Variants in PREX1 observed in about 807,000 individuals in gnomAD.
PREX1 encodes the protein phosphatidylinositol 3,4,5-trisphosphate-dependent Rac exchanger 1 protein.
Under a neutral mutation model 198.3 loss-of-function variants are expected in PREX1, and 41 were observed. The ratio of observed to expected loss-of-function variants is 0.21; its 90% CI spans 0.16 to 0.27. The LOEUF (loss-of-function observed/expected upper bound fraction) is 0.27. Among genes scored for constraint, PREX1 ranks in the 10% least tolerant of loss-of-function variants. The pLI is 1.00. For missense variants in PREX1, 1,620 were observed against 2,200.7 expected (o/e 0.74, Z 5.28); for synonymous variants, 843 against 887.2 (o/e 0.95, Z 0.89).
chr20:48,720,562 T>A (rs1020614834), intron 5 of PREX1, among the ~76,000 whole-genome samples: 2 of 152,188 alleles, frequency 1.3e-5, no homozygotes, highest in African/African-American at 2.4e-5. Flanking sequence ...AGTATTCTAC[T>A]GTGTGAGTCA....
At chr20:48,748,597 C>T (rs1278862618) in intron 1 of PREX1, among the ~76,000 whole-genome samples, 2 of 152,140 alleles carry the variant, frequency 1.3e-5, no homozygotes, top group Non-Finnish European at 2.9e-5. Context: ...AAGAAGCTTC[C>T]TTGCAGATGC....
chr20:48,762,393 C>T (rs753346865), intron 1 of PREX1, among the ~76,000 whole-genome samples: 2 of 152,170 alleles, frequency 1.3e-5, no homozygotes, highest in African/African-American at 2.4e-5. Context: ...ATAAGACACT[C>T]AGCAGCTTCC....
At chr20:48,642,330 G>A in intron 28 of PREX1, 72 bp from the exon 29 acceptor site, 1 of 1,604,210 alleles carries the variant, frequency 6.2e-7, no homozygotes, top group Non-Finnish European at 8.5e-7. Flanking sequence ...GGGACCCACA[G>A]CCCCCGGGTC....
intron 37 of PREX1, 89 bp from the exon 38 acceptor site, chr20:48,628,052 G>A (rs2089287215): frequency 1.1e-6 from 1 of 904,764 alleles, no homozygotes; most frequent in Non-Finnish European, 1.7e-6. Flanking sequence ...GTGGGTGAGA[G>A]CTGGGGCAAC....
At chr20:48,861,317 A>G in the PREX1 span, among the ~76,000 whole-genome samples, 1 of 152,330 alleles carries the variant, frequency 6.6e-6, no homozygotes, top group African/African-American at 2.4e-5. Context: ...CCAAGTGAGG[A>G]GGCTGGACTT....
chr20:48,698,527 A>T (rs2123062785), intron 7 of PREX1, among the ~76,000 whole-genome samples: 1 of 152,252 alleles, frequency 6.6e-6, no homozygotes, highest in African/African-American at 2.4e-5. Context: ...GGAGGCAGGG[A>T]AAGAGAAGAA....
At chr20:48,687,495 A>G (rs2089792089) in intron 10 of PREX1, among the ~76,000 whole-genome samples, 1 of 152,258 alleles carries the variant, frequency 6.6e-6, no homozygotes, top group South Asian at 2.1e-4. Context: ...TCCTGGCTCA[A>G]GCCTGGCCCA....
intron 5 of PREX1, among the ~76,000 whole-genome samples, chr20:48,724,920 C>G (rs2090002907): frequency 6.6e-6 from 1 of 152,208 alleles, no homozygotes; most frequent in South Asian, 2.1e-4. Context: ...ATCTAGGGAT[C>G]GAAGCCATGG....
chr20:48,658,197 T>C lies in PREX1; in HGVS notation c.1913A>G (p.Asp638Gly). 6.2e-7 allele frequency: 1 copy of C among 1,614,156 alleles called. No homozygotes were observed. The change falls in exon 17 of 40, where the codon GAC (aspartate) becomes GGC (glycine). Residue 638 changes from aspartate (D) to glycine (G), a missense_variant. Asp to Gly is a moderately conservative substitution (Grantham distance 94). Coordinates refer to ENST00000371941, the MANE Select transcript of PREX1 (RefSeq NM_020820.4). ...CACAGCCTTGTTCTTCTCCTCGATG[T>C]CAAAGCCATAGTCCTCCTCCTGGGG... The part of the protein sequence containing the change: ...ILPQEEDYGF[D>G]IEEKNKAVVV...
At chr20:48,701,148 C>T (rs2089871778) in intron 6 of PREX1, among the ~76,000 whole-genome samples, 1 of 152,132 alleles carries the variant, frequency 6.6e-6, no homozygotes, top group African/African-American at 2.4e-5. Flanking sequence ...AGTGACTCAC[C>T]CAGCTCATAC....
At chr20:48,656,648 C>T (rs2089545999) in intron 18 of PREX1, among the ~76,000 whole-genome samples, 1 of 152,204 alleles carries the variant, frequency 6.6e-6, no homozygotes, top group Admixed American at 6.5e-5. Context: ...GTGACGTCTC[C>T]CTGACAGCCA....
At chr20:48,828,320 GC>G (rs552752530), upstream of PREX1, among the ~76,000 whole-genome samples, 5 of 151,702 alleles carry the variant, frequency 3.3e-5, no homozygotes, top group Non-Finnish European at 5.9e-5. Flanking sequence ...GACGCGTGGC[GC>G]CCCCCCAACC....
At chr20:48,753,897 C>A (rs1343046409) in intron 1 of PREX1, among the ~76,000 whole-genome samples, 3 of 152,188 alleles carry the variant, frequency 2.0e-5, no homozygotes, top group Non-Finnish European at 4.4e-5. Context: ...CAGACGTCTC[C>A]GCTATTGGCT....
chr20:48,776,670 G>A (rs1358563617), intron 1 of PREX1, among the ~76,000 whole-genome samples: 1 of 152,226 alleles, frequency 6.6e-6, no homozygotes, highest in Non-Finnish European at 1.5e-5. Context: ...TTAGTGTCCA[G>A]TCACTGAGGT....
chr20:48,677,867 T>C (rs1031332255), intron 13 of PREX1, among the ~76,000 whole-genome samples: 1 of 151,372 alleles, frequency 6.6e-6, no homozygotes, highest in Non-Finnish European at 1.5e-5. Context: ...ATGCCTGTAA[T>C]CCCAGCTACT....
the PREX1 span, among the ~76,000 whole-genome samples, chr20:48,836,732 T>C: frequency 2.7e-3 from 412 of 152,112 alleles, 2 homozygotes; most frequent in African/African-American, 8.9e-3. Flanking sequence ...CTGGTCAACC[T>C]GGCAAAACTC....
rs181653765 is a variant in PREX1 at position 48,625,719 on chromosome 20, G to C, written c.*166C>G. ...TCAGCCAGCTCGTCATCACAGCGAG[G>C]GTGGCCAGGCTTGTCCCGGAAGGAG... On this transcript the variant is annotated 3_prime_UTR_variant, in exon 40 of 40. Coordinates refer to ENST00000371941, the MANE Select transcript of PREX1 (RefSeq NM_020820.4). 1 of 809,816 alleles carries C rather than the reference G, an allele frequency of 1.2e-6. No individual in the cohort carries two copies. The highest frequency in any genetic ancestry group is 1.8e-5 in the African/African-American group (1 of 54,500). 50.2% of individuals were successfully genotyped at this position (809,816 alleles called of 1,614,324 possible).
chr20:48,688,828 T>G, intron 9 of PREX1, 24 bp from the exon 10 acceptor site: 1 of 1,613,410 alleles, frequency 6.2e-7, no homozygotes, highest in Non-Finnish European at 8.5e-7. Context: ...CGGTCAGCAC[T>G]GGAGAGAGCA....
At position 48,796,787 on chromosome 20, in the gene PREX1, TAC is replaced by T. The variant is rs201782895; in HGVS notation, c.219+30853_219+30854del. On this transcript the variant is annotated intron_variant, in intron 1 of 39. Transcript: ENST00000371941. ...ATATATAGTTATATATACAGTTATA[TAC>T]ACATATAATTATATACACATGTATA... Among the ~76,000 whole-genome samples the T allele has an allele frequency of 8.6e-3, 1,302 of 150,746 alleles. 9 individuals carry two copies. Among genetic ancestry groups the T allele is most frequent in the Non-Finnish European group, 0.011 (767 of 67,710 alleles).
Sources: allele counts gnomAD v4.1 joint callset (sites outside exome capture counted in the v4.1 genomes callset), GRCh38; gene constraint gnomAD v4.1.1; transcripts MANE v1.5; gene names NCBI Gene and HGNC (gene_info 2026-07-23, HGNC 2026-07-21).